Variants in AXDND1 observed in about 807,000 individuals in gnomAD.
AXDND1 encodes axonemal dynein light chain domain containing 1, also known as axonemal dynein light chain domain-containing protein 1.
A neutral mutation model predicts 137.5 loss-of-function variants in AXDND1; 110 were observed. The observed-to-expected ratio is 0.80, with a 90% CI of 0.69 to 0.94. The LOEUF is 0.94. Among genes scored for constraint, AXDND1 ranks in the 40% least tolerant of loss-of-function variants. The pLI is 0.00. For missense variants in AXDND1, 1,191 were observed against 1,169.8 expected (o/e 1.02, Z -0.26); for synonymous variants, 414 against 399.7 (o/e 1.04, Z -0.43).
intron 3 of AXDND1, among the ~76,000 whole-genome samples, chr1:179,369,649 C>T (rs1441265944): frequency 4.3e-5 from 2 of 46,636 alleles, no homozygotes; most frequent in East Asian, 6.5e-4. Flanking sequence ...AAGACTCTGT[C>T]TCAAAAAAAA....
intron 4 of AXDND1, among the ~76,000 whole-genome samples, chr1:179,372,183 G>A (rs1668098642): frequency 6.6e-6 from 1 of 152,114 alleles, no homozygotes; most frequent in Admixed American, 6.6e-5. Context: ...GAACCCAGCA[G>A]TAAAATATAA....
chr1:179,395,328 A>G (rs1178476759), intron 11 of AXDND1, 126 bp downstream of exon 11: 21 of 687,772 alleles, frequency 3.1e-5, no homozygotes, highest in Non-Finnish European at 4.2e-5. Context: ...AGCTTACTTT[A>G]TCTGAATTTA....
intron 8 of AXDND1, among the ~76,000 whole-genome samples, chr1:179,383,821 T>C (rs1032135936): frequency 2.0e-5 from 3 of 152,224 alleles, no homozygotes; most frequent in African/African-American, 7.2e-5. Context: ...TTAGTATTAT[T>C]ATTTCACCAA....
At chr1:179,505,202 A>G (rs753308430) in intron 20 of AXDND1, among the ~76,000 whole-genome samples, 1 of 152,236 alleles carries the variant, frequency 6.6e-6, no homozygotes, top group East Asian at 1.9e-4. Context: ...GCCTTGTCTA[A>G]TGCAGCTCTA....
intron 2 of AXDND1, among the ~76,000 whole-genome samples, chr1:179,367,487 C>CA (rs1667563618): frequency 6.6e-6 from 1 of 152,006 alleles, no homozygotes; most frequent in Admixed American, 6.6e-5. Context: ...TGCACTCCAG[C>CA]CTGGCGACAG....
intron 11 of AXDND1, among the ~76,000 whole-genome samples, chr1:179,401,812 C>T (rs1208012044): frequency 6.6e-6 from 1 of 152,074 alleles, no homozygotes; most frequent in African/African-American, 2.4e-5. Context: ...CACCTTCCAC[C>T]ATGATTGTGA....
intron 18 of AXDND1, among the ~76,000 whole-genome samples, chr1:179,484,437 AC>A (rs1665786576): frequency 6.6e-6 from 1 of 151,968 alleles, no homozygotes; most frequent in Admixed American, 6.6e-5. Context: ...TCACCTGAGC[AC>A]CCCCCTGTCT....
intron 12 of AXDND1, among the ~76,000 whole-genome samples, chr1:179,425,256 C>A (rs576624473): frequency 6.6e-6 from 1 of 152,350 alleles, no homozygotes; most frequent in East Asian, 1.9e-4. Flanking sequence ...TTCACCTCAA[C>A]TCTAGTAAAG....
chr1:179,495,574 AT>A (rs986788897), intron 20 of AXDND1, among the ~76,000 whole-genome samples: 3 of 151,738 alleles, frequency 2.0e-5, no homozygotes, highest in African/African-American at 4.8e-5. Flanking sequence ...CCTTCTAAGA[AT>A]TTTTTTTATT....
intron 24 of AXDND1, 113 bp from the exon 25 acceptor site, chr1:179,534,617 C>A: frequency 9.8e-6 from 13 of 1,323,286 alleles, no homozygotes; most frequent in African/African-American, 3.0e-5. Context: ...TCCCTTATTT[C>A]TACCCTTCAG....
chr1:179,440,141 A>T (rs924986028), intron 15 of AXDND1, among the ~76,000 whole-genome samples: 3 of 152,110 alleles, frequency 2.0e-5, no homozygotes, highest in African/African-American at 7.2e-5. Flanking sequence ...TTGTCTTTTC[A>T]ACATGCATTG....
chr1:179,379,565 G>A (rs758048036), intron 6 of AXDND1, 83 bp downstream of exon 6: 59 of 1,532,580 alleles, frequency 3.8e-5, no homozygotes, highest in Middle Eastern at 2.4e-4. Flanking sequence ...AGGCCAAGGC[G>A]GGTGGATCAT....
At chr1:179,396,504 C>T (rs1651089749) in intron 11 of AXDND1, among the ~76,000 whole-genome samples, 1 of 151,730 alleles carries the variant, frequency 6.6e-6, no homozygotes, top group Non-Finnish European at 1.5e-5. Context: ...AAAAAATTAG[C>T]TGACATGGTG....
chr1:179,462,002 T>C (rs991842982), intron 16 of AXDND1, among the ~76,000 whole-genome samples: 5 of 152,188 alleles, frequency 3.3e-5, no homozygotes, highest in Non-Finnish European at 7.3e-5. Context: ...CAGGGACAAT[T>C]TGACTTCCTC....
At chr1:179,453,450 A>C (rs1308738908) in intron 16 of AXDND1, 1 of 152,480 alleles carries the variant, frequency 6.6e-6, no homozygotes, top group African/African-American at 2.4e-5. Context: ...CATCTCTTGC[A>C]TCAGCATGAC....
chr1:179,502,675 A>C (rs1668126378), intron 20 of AXDND1, among the ~76,000 whole-genome samples: 1 of 152,006 alleles, frequency 6.6e-6, no homozygotes, highest in Non-Finnish European at 1.5e-5. Context: ...AAATTTGTAC[A>C]TCCACTTTGG....
At chr1:179,426,776 C>G (rs1453727223) in intron 12 of AXDND1, among the ~76,000 whole-genome samples, 4 of 151,994 alleles carry the variant, frequency 2.6e-5, no homozygotes, top group Non-Finnish European at 5.9e-5. Context: ...TATGTATGTG[C>G]AAAGATGGCT....
At position 179,378,672 on chromosome 1, in the gene AXDND1, A is replaced by G. The variant is rs1482658813; in HGVS notation, c.410A>G (p.Lys137Arg). The G allele has an allele frequency of 1.3e-6, 2 of 1,596,262 alleles. No individual in the cohort carries two copies. The highest frequency in any genetic ancestry group is 2.7e-5 in the African/African-American group (2 of 74,722). Residue 137 changes from lysine to arginine, a missense_variant, in exon 5 of 26, where the codon AAA becomes AGA. By Grantham distance (26) the Lys-to-Arg change is conservative. Transcript: ENST00000367618. ...TTTCTGTACGATGTAACATATGCCA[A>G]AGGACAGACTAGGGAGAAGGCAGTT... is the stretch of plus-strand genomic sequence containing the variant. ...ISFLYDVTYA[K>R]GQTREKAVCP...
intron 16 of AXDND1, chr1:179,449,736 TA>T (rs1288718230): frequency 4.6e-5 from 7 of 152,252 alleles, no homozygotes; most frequent in African/African-American, 9.6e-5. Flanking sequence ...TTTTGTTAAA[TA>T]TTTTTTTGAG....
Sources: gnomAD v4.1 joint callset for allele counts (sites outside exome capture counted in the v4.1 genomes callset) on GRCh38, gnomAD v4.1.1 for gene constraint, MANE v1.5 for transcripts, NCBI Gene and HGNC (gene_info 2026-07-23, HGNC 2026-07-21) for gene names.